KCNQ5: variants seen among roughly 807,000 people sequenced by gnomAD.
KCNQ5 encodes potassium voltage-gated channel subfamily Q member 5.
Under a neutral mutation model 98.2 loss-of-function variants are expected in KCNQ5, and 30 were observed. The ratio of observed to expected loss-of-function variants is 0.31; its 90% confidence interval spans 0.23 to 0.41. The LOEUF is 0.41. Ranked by LOEUF, KCNQ5 falls within the 10% of genes least tolerant of loss-of-function variation. The probability of loss-of-function intolerance (pLI) is 1.00; values close to 1 mark genes in which losing one functional copy is unlikely to be tolerated. For synonymous variants in KCNQ5, 458 were observed against 449.4 expected, an observed-to-expected ratio of 1.02 and a Z score of -0.24; for missense variants, 835 against 1,182.5, an observed-to-expected ratio of 0.71 and a Z score of 4.31.
rs1300882734 is a variant in KCNQ5, at chr6:73,160,925, G to C, written c.1469-8821G>C. On this transcript the variant is annotated intron_variant, in intron 10 of 13. Transcript: ENST00000370398. ...ATGATTTTAATGTGCAGCCAAGGTT[G>C]AAACCCACTGTAATCATTTCATCAA... 1.3e-5 allele frequency among the ~76,000 whole-genome samples: 2 copies of C among 152,082 alleles called. 1 individual carries two copies. The highest frequency in any genetic ancestry group is 4.8e-5 in the African/African-American group (2 of 41,402).
rs568766318 is a variant in KCNQ5, at chr6:72,985,301, G to A, written c.399-18607G>A. Among the ~76,000 whole-genome samples the A allele has an allele frequency of 3.7e-4, 56 of 152,304 alleles. 1 individual carries two copies. In the South Asian group the frequency reaches 0.01, roughly 28 times the overall value. On this transcript the variant is annotated intron_variant, in intron 1 of 13. Transcript: ENST00000370398. ...CCAAAGAACTCAGATTTTTTACTCT[G>A]TGTTTTTAAATATTGAGAAAATGGA... is the stretch of plus-strand genomic sequence containing the variant.
intron 11 of KCNQ5, among the ~76,000 whole-genome samples, chr6:73,179,611 A>C (rs1045874979): frequency 4.6e-5 from 7 of 152,168 alleles, no homozygotes; most frequent in African/African-American, 1.7e-4. Flanking sequence ...AACCAACATA[A>C]AGTGAGGGGT....
At chr6:73,159,993 T>TTTGTTTG (rs1562213034) in intron 10 of KCNQ5, among the ~76,000 whole-genome samples, 93 of 136,404 alleles carry the variant, frequency 6.8e-4, no homozygotes, top group African/African-American at 2.0e-3. Context: ...CTATGGTTTT[T>TTTGTTTG]TTTGTTTGTT....
chr6:72,867,970 C>CTACTACTAA (rs1554176708), intron 1 of KCNQ5, among the ~76,000 whole-genome samples: 3 of 146,744 alleles, frequency 2.0e-5, no homozygotes, highest in Non-Finnish European at 1.5e-5. Flanking sequence ...ACTACTACTA[C>CTACTACTAA]TAATAATAAT....
intron 1 of KCNQ5, among the ~76,000 whole-genome samples, chr6:72,628,920 A>G (rs2098919371): frequency 6.6e-6 from 1 of 151,984 alleles, no homozygotes; most frequent in Admixed American, 6.6e-5. Flanking sequence ...GCCCAAAGTG[A>G]TCTTCCTAAA....
intron 6 of KCNQ5, among the ~76,000 whole-genome samples, chr6:73,109,604 G>A (rs959509661): frequency 1.3e-5 from 2 of 152,152 alleles, no homozygotes; most frequent in Non-Finnish European, 2.9e-5. Context: ...AGTTGTTCTG[G>A]ATTTAGAAAT....
intron 1 of KCNQ5, among the ~76,000 whole-genome samples, chr6:72,805,569 T>C (rs554578906): frequency 1.3e-5 from 2 of 152,280 alleles, no homozygotes; most frequent in African/African-American, 4.8e-5. Context: ...TGGGTTACTA[T>C]ACCTCTGTGG....
At chr6:72,734,958 A>G (rs1040680169) in intron 1 of KCNQ5, among the ~76,000 whole-genome samples, 1 of 152,194 alleles carries the variant, frequency 6.6e-6, no homozygotes, top group Non-Finnish European at 1.5e-5. Context: ...TTCTAATATC[A>G]GTCAATTAAC....
At chr6:72,726,801 CA>C (rs1462808055) in intron 1 of KCNQ5, among the ~76,000 whole-genome samples, 2 of 152,212 alleles carry the variant, frequency 1.3e-5, no homozygotes, top group Admixed American at 6.5e-5. Flanking sequence ...AAAGCAGGAG[CA>C]AAAACAGATG....
intron 10 of KCNQ5, 82 bp downstream of exon 10, chr6:73,133,723 GC>G: frequency 8.4e-7 from 1 of 1,184,682 alleles, no homozygotes; most frequent in Non-Finnish European, 1.2e-6. Flanking sequence ...TCTCCATAGT[GC>G]CACTTGAAGA....
At chr6:72,915,315 G>T (rs1023981161) in intron 1 of KCNQ5, among the ~76,000 whole-genome samples, 1 of 152,018 alleles carries the variant, frequency 6.6e-6, no homozygotes, top group Non-Finnish European at 1.5e-5. Flanking sequence ...ATTATAAAGG[G>T]TATATAGCTT....
chr6:72,635,713 T>C (rs946220231), intron 1 of KCNQ5, among the ~76,000 whole-genome samples: 1 of 146,640 alleles, frequency 6.8e-6, no homozygotes, highest in Non-Finnish European at 1.5e-5. Flanking sequence ...TCTGTGCTTC[T>C]ACCTTTCTGG....
At chr6:72,683,053 T>C (rs1767782797) in intron 1 of KCNQ5, among the ~76,000 whole-genome samples, 1 of 152,230 alleles carries the variant, frequency 6.6e-6, no homozygotes, top group South Asian at 2.1e-4. Context: ...TTCCTTGGCC[T>C]GGATGCAGAG....
In KCNQ5 at chr6:72,883,305, ATGT is replaced by A. The variant is rs565781521; in HGVS notation, c.399-120577_399-120575del. On this transcript the variant is annotated intron_variant, in intron 1 of 13. Coordinates refer to ENST00000370398, the MANE Select transcript of KCNQ5 (RefSeq NM_019842.4). ...GATGCCTCCTGTTCTCAAAAGAACA[ATGT>A]TGTTGTTGTTGTTGTTGTTGTTGTT... Among the ~76,000 whole-genome samples the A allele has an allele frequency of 5.0e-3, 764 of 151,922 alleles. 5 individuals carry two copies. The highest frequency in any genetic ancestry group is 0.01 in the Middle Eastern group (3 of 294).
At chr6:72,674,483 A>C (rs1767305482) in intron 1 of KCNQ5, among the ~76,000 whole-genome samples, 2 of 152,182 alleles carry the variant, frequency 1.3e-5, no homozygotes, top group South Asian at 4.1e-4. Context: ...TAAGTTAAAA[A>C]AAAGAGACCG....
At chr6:73,188,540 G>GA (rs34671007) in intron 11 of KCNQ5, among the ~76,000 whole-genome samples, 4,670 of 152,246 alleles carry the variant, frequency 0.031, 90 homozygotes, top group East Asian at 0.068. Flanking sequence ...TCAGGTTAGA[G>GA]ATCTTCTCTT....
chr6:72,774,945 T>A (rs1192636453), intron 1 of KCNQ5, among the ~76,000 whole-genome samples: 1 of 152,142 alleles, frequency 6.6e-6, no homozygotes, highest in Non-Finnish European at 1.5e-5. Flanking sequence ...TGTCCTTTGA[T>A]CTAACAATTT....
chr6:72,686,829 T>C (rs115736416), intron 1 of KCNQ5, among the ~76,000 whole-genome samples: 7 of 151,912 alleles, frequency 4.6e-5, no homozygotes, highest in Non-Finnish European at 8.8e-5. Context: ...GTTTTGTTCC[T>C]TCTTTTAATG....
chr6:72,976,769 G>T (rs1406150148), intron 1 of KCNQ5, among the ~76,000 whole-genome samples: 1 of 152,172 alleles, frequency 6.6e-6, no homozygotes, highest in Non-Finnish European at 1.5e-5. Flanking sequence ...ATTTATTTAG[G>T]CAGCTTCAAA....
Sources: gnomAD v4.1 joint callset for allele counts (sites outside exome capture counted in the v4.1 genomes callset) on GRCh38, gnomAD v4.1.1 for gene constraint, MANE v1.5 for transcripts, NCBI Gene and HGNC (gene_info 2026-07-23, HGNC 2026-07-21) for gene names.